The following EPB41L3 variants were observed in gnomAD, a reference collection of about 807,000 sequenced individuals.
The protein encoded by EPB41L3 is band 4.1-like protein 3.
EPB41L3 carries 57 observed loss-of-function variants against 127.1 expected under a neutral mutation model. That is an observed-to-expected ratio of 0.45 (90% CI 0.36 to 0.56). EPB41L3 has a LOEUF of 0.56. Ranked by LOEUF, EPB41L3 falls within the 20% of genes least tolerant of loss-of-function variation. The pLI is 0.00. For missense variants in EPB41L3, 1,273 were observed against 1,372.2 expected (o/e 0.93, Z 1.14); for synonymous variants, 572 against 549.5 (o/e 1.04, Z -0.57).
At chr18:5,616,494 A>G (rs1350435587) in intron 1 of EPB41L3, among the ~76,000 whole-genome samples, 2 of 152,142 alleles carry the variant, frequency 1.3e-5, no homozygotes, top group Admixed American at 1.3e-4. Context: ...CATACATATT[A>G]TATAAATAAT....
chr18:5,512,311 T>A (rs1434720212), intron 1 of EPB41L3, among the ~76,000 whole-genome samples: 3 of 152,164 alleles, frequency 2.0e-5, no homozygotes, highest in Non-Finnish European at 4.4e-5. Context: ...ACATAGAGAA[T>A]GGGCACTCAA....
chr18:5,619,807 T>C (rs1047815263), intron 1 of EPB41L3, among the ~76,000 whole-genome samples: 2 of 152,210 alleles, frequency 1.3e-5, no homozygotes, highest in African/African-American at 4.8e-5. Context: ...CAGAACCTCT[T>C]TGAATTCATC....
chr18:5,411,588 A>G (rs751844084), intron 13 of EPB41L3, among the ~76,000 whole-genome samples: 16 of 150,758 alleles, frequency 1.1e-4, no homozygotes, highest in Middle Eastern at 3.4e-3. Context: ...ATGCCCTAAT[A>G]TTAACTGACT....
intron 3 of EPB41L3, among the ~76,000 whole-genome samples, chr18:5,594,273 C>A (rs2143626123): frequency 6.6e-6 from 1 of 152,272 alleles, no homozygotes; most frequent in Non-Finnish European, 1.5e-5. Flanking sequence ...CAGCCGGTCC[C>A]TCCATTCGGG....
chr18:5,525,976 T>G (rs1475012108), intron 1 of EPB41L3, among the ~76,000 whole-genome samples: 10 of 152,028 alleles, frequency 6.6e-5, no homozygotes, highest in African/African-American at 2.2e-4. Context: ...ACTGAGAAAT[T>G]TGCCACCTCA....
chr18:5,576,927 C>T (rs2149272163), intron 3 of EPB41L3, among the ~76,000 whole-genome samples: 1 of 152,240 alleles, frequency 6.6e-6, no homozygotes, highest in African/African-American at 2.4e-5. Flanking sequence ...ATTGAAGTTG[C>T]CATCACAACT....
At chr18:5,435,130 A>C (rs1331706481) in intron 6 of EPB41L3, among the ~76,000 whole-genome samples, 1 of 152,240 alleles carries the variant, frequency 6.6e-6, no homozygotes, top group East Asian at 1.9e-4. Context: ...AAAGAAAGAA[A>C]ATATTTTTGT....
intron 8 of EPB41L3, 96 bp from the exon 9 acceptor site, chr18:5,428,561 A>G: frequency 1.4e-6 from 2 of 1,438,220 alleles, no homozygotes; most frequent in Non-Finnish European, 1.9e-6. Flanking sequence ...GAAACTATAA[A>G]TGGCTGGTTT....
intron 3 of EPB41L3, among the ~76,000 whole-genome samples, chr18:5,456,932 C>G (rs2083179907): frequency 6.6e-6 from 1 of 152,344 alleles, no homozygotes; most frequent in African/African-American, 2.4e-5. Context: ...CAGTGAGAAG[C>G]TGGAGCAGCA....
At chr18:5,593,497 G>A (rs4797215) in intron 3 of EPB41L3, among the ~76,000 whole-genome samples, 19,562 of 152,054 alleles carry the variant, frequency 0.13, 1,419 homozygotes, top group East Asian at 0.22. Flanking sequence ...AAGGTGATAG[G>A]ATATCACAAG....
intron 3 of EPB41L3, among the ~76,000 whole-genome samples, chr18:5,456,752 A>G (rs1280934032): frequency 6.6e-6 from 1 of 152,218 alleles, no homozygotes. Context: ...TCCTGGCTTA[A>G]TACTGCGTGA....
chr18:5,461,021 T>G (rs1178045366), intron 3 of EPB41L3, among the ~76,000 whole-genome samples: 1 of 152,154 alleles, frequency 6.6e-6, no homozygotes, highest in African/African-American at 2.4e-5. Flanking sequence ...CTGGTGGTGG[T>G]GTTTTATTTT....
At chr18:5,507,786 T>C (rs2092300683) in intron 1 of EPB41L3, among the ~76,000 whole-genome samples, 1 of 152,140 alleles carries the variant, frequency 6.6e-6, no homozygotes, top group Non-Finnish European at 1.5e-5. Flanking sequence ...TTGGACCAAG[T>C]TCCTTAAAAC....
intron 1 of EPB41L3, among the ~76,000 whole-genome samples, chr18:5,620,519 C>T (rs1016605191): frequency 6.6e-6 from 1 of 152,184 alleles, no homozygotes; most frequent in Admixed American, 6.5e-5. Context: ...TAATTCTCTT[C>T]TATCTAAAAT....
At chr18:5,585,977 T>TA in intron 3 of EPB41L3, among the ~76,000 whole-genome samples, 1 of 152,178 alleles carries the variant, frequency 6.6e-6, no homozygotes, top group Non-Finnish European at 1.5e-5. Flanking sequence ...CAGTTAACAC[T>TA]ATTACCTCCC....
At chr18:5,477,532 G>A (rs1237313574) in intron 3 of EPB41L3, among the ~76,000 whole-genome samples, 2 of 152,166 alleles carry the variant, frequency 1.3e-5, no homozygotes, top group Non-Finnish European at 2.9e-5. Context: ...ACACAGACCT[G>A]CTCATAGAGC....
At chr18:5,415,608 G>C (rs1470954525) in intron 13 of EPB41L3, among the ~76,000 whole-genome samples, 1 of 152,148 alleles carries the variant, frequency 6.6e-6, no homozygotes, top group Non-Finnish European at 1.5e-5. Flanking sequence ...AACGATTCCG[G>C]GTTGGGCTCA....
At chr18:5,576,051 G>T (rs1412259214) in intron 3 of EPB41L3, among the ~76,000 whole-genome samples, 1 of 152,122 alleles carries the variant, frequency 6.6e-6, no homozygotes, top group Non-Finnish European at 1.5e-5. Flanking sequence ...CTGCTAAAAG[G>T]CATATTCTAT....
chr18:5,554,439 A>G (rs1445012837), intron 3 of EPB41L3, among the ~76,000 whole-genome samples: 2 of 152,222 alleles, frequency 1.3e-5, no homozygotes, highest in East Asian at 3.9e-4. Flanking sequence ...GATTGGGATT[A>G]GACACAGGAA....
Sources: gnomAD v4.1 joint callset for allele counts (sites outside exome capture counted in the v4.1 genomes callset) on GRCh38, gnomAD v4.1.1 for gene constraint, MANE v1.5 for transcripts, NCBI Gene and HGNC (gene_info 2026-07-23, HGNC 2026-07-21) for gene names.